PDZD2: variants seen among roughly 807,000 people sequenced by gnomAD.
PDZD2 encodes the protein PDZ domain-containing protein 2.
A neutral mutation model predicts 220.7 loss-of-function variants in PDZD2; 90 were observed. The observed-to-expected ratio is 0.41, with a 90% CI of 0.34 to 0.49. The LOEUF (loss-of-function observed/expected upper bound fraction) is 0.49, where lower values mean the gene tolerates loss of function less well. Ranked by LOEUF, PDZD2 falls within the 20% of genes least tolerant of loss-of-function variation. The pLI, the probability that PDZD2 is intolerant of heterozygous loss-of-function variation, is 0.28. For synonymous variants in PDZD2, 1,375 were observed against 1,450.5 expected (o/e 0.95, Z 1.18); for missense variants, 3,174 against 3,608.5 (o/e 0.88, Z 3.08).
At chr5:31,810,682 A>G (rs1755061104) in intron 2 of PDZD2, among the ~76,000 whole-genome samples, 1 of 152,216 alleles carries the variant, frequency 6.6e-6, no homozygotes, top group African/African-American at 2.4e-5. Context: ...AGCCGTTCCT[A>G]TGAACTTCAC....
chr5:31,771,311 G>T (rs978343496), intron 1 of PDZD2, among the ~76,000 whole-genome samples: 1 of 152,216 alleles, frequency 6.6e-6, no homozygotes, highest in African/African-American at 2.4e-5. Context: ...TCTTGTGCAT[G>T]CTACCTGTCA....
intron 1 of PDZD2, among the ~76,000 whole-genome samples, chr5:31,775,468 C>T (rs1229840647): frequency 6.6e-6 from 1 of 152,172 alleles, no homozygotes; most frequent in African/African-American, 2.4e-5. Flanking sequence ...CCAGCCAGCT[C>T]AGTTCTATAC....
Position 31,794,074 on chromosome 5 carries a change from T to TA in PDZD2, c.-360-4805dup, listed in dbSNP as rs568439648. Among the ~76,000 whole-genome samples, 18 of 150,554 alleles carry TA rather than the reference T, an allele frequency of 1.2e-4. No individual in the cohort carries two copies. The South Asian group carries it at 1.7e-3, about 14-fold the overall frequency. On this transcript the variant is annotated intron_variant, in intron 1 of 24. Coordinates refer to ENST00000438447, the MANE Select transcript of PDZD2 (RefSeq NM_178140.4). ...TTTAGTTTTCAGCAAGTTACTAATT[T>TA]AAAAAAAAAATCTGTCATCCTACCA...
intron 8 of PDZD2, among the ~76,000 whole-genome samples, chr5:32,050,291 T>TTGAGGTAATTTCTTAAC (rs1200318550): frequency 9.2e-5 from 14 of 152,122 alleles, no homozygotes; most frequent in Admixed American, 7.9e-4. Flanking sequence ...AGATCGAGCG[T>TTGAGGTAATTTCTTAAC]TGAGGTAATT....
intron 1 of PDZD2, among the ~76,000 whole-genome samples, chr5:31,699,484 C>G (rs993978459): frequency 6.6e-6 from 1 of 152,120 alleles, no homozygotes; most frequent in Non-Finnish European, 1.5e-5. Flanking sequence ...CATGGTGGCT[C>G]ATGCCTGTAA....
intron 16 of PDZD2, among the ~76,000 whole-genome samples, chr5:32,071,676 A>T (rs1267520850): frequency 2.6e-5 from 4 of 152,238 alleles, no homozygotes; most frequent in African/African-American, 4.8e-5. Context: ...TAAGTTTTCA[A>T]ACTGCTCCAT....
At chr5:31,658,457 C>G (rs544691537) in intron 1 of PDZD2, among the ~76,000 whole-genome samples, 4 of 152,146 alleles carry the variant, frequency 2.6e-5, no homozygotes, top group African/African-American at 9.7e-5. Context: ...TTGCCTGTAA[C>G]GATCATATTT....
At position 32,089,550 on chromosome 5, in the gene PDZD2, G is replaced by A. The variant is rs139582081; in HGVS notation, c.6102G>A (p.Gly2034=). Residue 2034 remains glycine, a synonymous_variant, in exon 20 of 25, where the codon GGG becomes GGA. Coordinates refer to ENST00000438447, the MANE Select transcript of PDZD2 (RefSeq NM_178140.4). ...GCAGGGCGCCCCGTGCTGACTCCGG[G>A]CCGGTGAGTCCGGCAGCGTCTAGGA... ...AEGRAPRADS[G]PVSPAASRNG... 38 of 1,612,026 alleles carry A rather than the reference G, an allele frequency of 2.4e-5. No homozygotes were observed. The African/African-American group carries it at 4.8e-4, about 20-fold the overall frequency.
chr5:32,042,379 T>C (rs1400500122), intron 7 of PDZD2, among the ~76,000 whole-genome samples: 4 of 142,152 alleles, frequency 2.8e-5, no homozygotes, highest in African/African-American at 1.1e-4. Context: ...CTGGTCAACA[T>C]GGCAAAACCC....
At chr5:31,773,684 C>G (rs955520593) in intron 1 of PDZD2, among the ~76,000 whole-genome samples, 2 of 151,948 alleles carry the variant, frequency 1.3e-5, no homozygotes, top group African/African-American at 4.8e-5. Flanking sequence ...GATTTATCTA[C>G]CTAGAAAGAG....
At chr5:31,863,011 T>A (rs1003736959) in intron 2 of PDZD2, among the ~76,000 whole-genome samples, 18 of 152,200 alleles carry the variant, frequency 1.2e-4, no homozygotes, top group African/African-American at 4.1e-4. Flanking sequence ...CCACGCCTGC[T>A]GGGATTACAG....
At chr5:31,695,583 T>C (rs1287888190) in intron 1 of PDZD2, among the ~76,000 whole-genome samples, 1 of 152,236 alleles carries the variant, frequency 6.6e-6, no homozygotes, top group African/African-American at 2.4e-5. Flanking sequence ...TGAGTCGTCC[T>C]GAAGACTGAG....
chr5:31,992,193 C>G (rs943853354), intron 3 of PDZD2, among the ~76,000 whole-genome samples: 7 of 152,090 alleles, frequency 4.6e-5, no homozygotes, highest in African/African-American at 1.7e-4. Context: ...CTCCTATCTC[C>G]TACTTTCAAT....
intron 1 of PDZD2, among the ~76,000 whole-genome samples, chr5:31,641,041 A>T (rs1175243593): frequency 6.6e-6 from 1 of 152,210 alleles, no homozygotes; most frequent in African/African-American, 2.4e-5. Context: ...GCAGTTTACT[A>T]TTTAAGGAAA....
chr5:31,685,015 T>C (rs950111823), intron 1 of PDZD2, among the ~76,000 whole-genome samples: 8 of 152,228 alleles, frequency 5.3e-5, no homozygotes, highest in African/African-American at 1.9e-4. Flanking sequence ...GAATAGTGCC[T>C]GGCACCTAGC....
intron 2 of PDZD2, among the ~76,000 whole-genome samples, chr5:31,974,020 A>C (rs1399119835): frequency 6.6e-6 from 1 of 152,086 alleles, no homozygotes; most frequent in Non-Finnish European, 1.5e-5. Context: ...TCACTCCGTC[A>C]CCCAGGCTGG....
chr5:32,037,733 T>G (rs1012329641), intron 7 of PDZD2, among the ~76,000 whole-genome samples: 2 of 152,216 alleles, frequency 1.3e-5, no homozygotes, highest in Admixed American at 1.3e-4. Context: ...CTCTATCTCC[T>G]GGGCATTTCC....
chr5:31,643,478 G>A (rs1745022346), intron 1 of PDZD2, among the ~76,000 whole-genome samples: 1 of 152,188 alleles, frequency 6.6e-6, no homozygotes, highest in Admixed American at 6.5e-5. Context: ...GTTTGGAAGG[G>A]CATCATGCAC....
chr5:31,999,443 T>C (rs1193883329), intron 4 of PDZD2, among the ~76,000 whole-genome samples: 1 of 151,600 alleles, frequency 6.6e-6, no homozygotes, highest in Non-Finnish European at 1.5e-5. Flanking sequence ...AGCCCAGGAG[T>C]TCCAGGCTGC....
Sources: allele counts gnomAD v4.1 joint callset (sites outside exome capture counted in the v4.1 genomes callset), GRCh38; gene constraint gnomAD v4.1.1; transcripts MANE v1.5; gene names NCBI Gene and HGNC (gene_info 2026-07-23, HGNC 2026-07-21).